Variants in DDX47 observed in about 807,000 individuals in gnomAD.
DDX47 encodes the protein probable ATP-dependent RNA helicase DDX47.
DDX47 carries 60 observed loss-of-function variants against 58.8 expected under a neutral mutation model. That is an observed-to-expected ratio of 1.02 (90% CI 0.83 to 1.26). The LOEUF (loss-of-function observed/expected upper bound fraction) is 1.26. Among genes scored for constraint, DDX47 ranks in the 50% most tolerant of loss-of-function variants. DDX47 has a pLI of 0.00. For missense variants in DDX47, 530 were observed against 573.2 expected, an observed-to-expected ratio of 0.92 and a Z score of 0.77; for synonymous variants, 197 against 204.6, an observed-to-expected ratio of 0.96 and a Z score of 0.32.
At chr12:12,813,714 A>G (rs1203004201) in intron 1 of DDX47, among the ~76,000 whole-genome samples, 4 of 152,138 alleles carry the variant, frequency 2.6e-5, no homozygotes, top group African/African-American at 9.7e-5. Context: ...AGGAGGTTGT[A>G]CATATGGGGA....
intron 11 of DDX47, among the ~76,000 whole-genome samples, chr12:12,828,680 AT>A (rs1863089879): frequency 6.6e-6 from 1 of 152,196 alleles, no homozygotes; most frequent in South Asian, 2.1e-4. Context: ...TTGTAAAAGT[AT>A]TACATGTGCA....
intron 11 of DDX47, among the ~76,000 whole-genome samples, chr12:12,828,105 G>T (rs1023008099): frequency 1.3e-5 from 2 of 151,786 alleles, no homozygotes; most frequent in African/African-American, 4.8e-5. Flanking sequence ...TAATCCCCCC[G>T]CCTCGGCCTC....
intron 7 of DDX47, chr12:12,823,639 A>G (rs1863006533): frequency 3.5e-6 from 2 of 566,700 alleles, no homozygotes; most frequent in Non-Finnish European, 6.2e-6. Context: ...GCTTTGATAT[A>G]AGGACTTCTC....
chr12:12,828,962 T>C (rs1863092806), intron 11 of DDX47, among the ~76,000 whole-genome samples: 1 of 152,240 alleles, frequency 6.6e-6, no homozygotes, highest in Non-Finnish European at 1.5e-5. Flanking sequence ...CTTTCTACTT[T>C]GGTACAGTGT....
chr12:12,827,867 T>C (rs1447296699), intron 11 of DDX47, among the ~76,000 whole-genome samples: 1 of 126,376 alleles, frequency 7.9e-6, no homozygotes, highest in Non-Finnish European at 1.7e-5. Flanking sequence ...TCCAAAACTT[T>C]TCTTTTTTCT....
rs1863027296 is a variant in DDX47 at position 12,824,884 on chromosome 12, A to T, written c.1035+207A>T. 8.4e-6 allele frequency: 4 copies of T among 474,218 alleles called. No individual in the cohort carries two copies. The Admixed American group carries it at 1.5e-4, about 18-fold the overall frequency. The allele number at this position is 474,218 out of a possible 1,614,324, so 29.4% of individuals were successfully genotyped here. ...ACATATGAAAGAGGTAGCCAAGGAG[A>T]GTTATTAGATGCTCATAGAAGGGGC... On this transcript the variant is annotated intron_variant, in intron 9 of 11. Transcript: ENST00000358007.
At chr12:12,822,840 T>C in intron 6 of DDX47, 108 bp downstream of exon 6, 1 of 906,652 alleles carries the variant, frequency 1.1e-6, no homozygotes, top group Non-Finnish European at 1.8e-6. Context: ...TTCACACTGC[T>C]ATAAAGAACT....
rs374450545 is a variant in DDX47, at chr12:12,813,467, G to C, written c.87+13G>C. 3.8e-6 allele frequency: 6 copies of C among 1,599,124 alleles called. No individual in the cohort carries two copies. The African/African-American group carries it at 6.7e-5, about 18-fold the overall frequency. On this transcript the variant is annotated intron_variant, in intron 1 of 11. Transcript: ENST00000358007. ...ATTTAAAGACCTGGTGAGAATGGAT[G>C]ACGCTGGCTTCTTTTATGTACTCTG...
In DDX47 at chr12:12,814,225, G is replaced by T; in HGVS notation, c.181+1G>T. The T allele has an allele frequency of 6.3e-7, 1 of 1,594,072 alleles. No individual in the cohort carries two copies. Among genetic ancestry groups the T allele is most frequent in the Non-Finnish European group, 8.6e-7 (1 of 1,161,828 alleles). On this transcript the variant is annotated splice_donor_variant, in intron 2 of 11. Coordinates refer to ENST00000358007, the MANE Select transcript of DDX47 (RefSeq NM_016355.4). LOFTEE classifies it high-confidence loss of function. Reference sequence around the variant, plus strand: ...GAAGCTATTCCTTTGGCCTTACAAGGTAGGTTGTATGACTTCGTACAGATT... The same window carrying T: ...GAAGCTATTCCTTTGGCCTTACAAGTTAGGTTGTATGACTTCGTACAGATT...
chr12:12,828,312 A>G (rs1426586563), intron 11 of DDX47, among the ~76,000 whole-genome samples: 1 of 152,214 alleles, frequency 6.6e-6, no homozygotes, highest in African/African-American at 2.4e-5. Flanking sequence ...ACAATTAAAA[A>G]TATTGTGTAA....
chr12:12,824,655 T>A lies in DDX47; in HGVS notation c.1013T>A (p.Phe338Tyr). ...DIPHVDVVVN[F>Y]DIPTHSKDYI... ...CCTCATGTAGATGTGGTTGTCAACT[T>A]TGACATTCCTACCCATTCCAAGGTG... is the stretch of plus-strand genomic sequence containing the variant. The change falls in exon 9 of 12, where the codon TTT (phenylalanine) becomes TAT (tyrosine). Residue 338 changes from phenylalanine to tyrosine, a missense_variant. Transcript: ENST00000358007. 6.2e-7 allele frequency: 1 copy of A among 1,614,216 alleles called. No individual in the cohort carries two copies. Among genetic ancestry groups the A allele is most frequent in the East Asian group, 2.2e-5 (1 of 44,890 alleles).
At chr12:12,825,579 G>A (rs1863040189) in intron 9 of DDX47, among the ~76,000 whole-genome samples, 1 of 152,074 alleles carries the variant, frequency 6.6e-6, no homozygotes, top group African/African-American at 2.4e-5. Context: ...TAACAACTCT[G>A]TAATATGGGC....
chr12:12,814,525 GAAGGA>G, intron 2 of DDX47: 1 of 302,320 alleles, frequency 3.3e-6, no homozygotes, highest in Non-Finnish European at 6.3e-6. Context: ...CACACTTAGG[GAAGGA>G]TGCCTGGAAC....
intron 2 of DDX47, among the ~76,000 whole-genome samples, chr12:12,816,026 A>G (rs1046166627): frequency 6.6e-6 from 1 of 152,118 alleles, no homozygotes; most frequent in African/African-American, 2.4e-5. Context: ...TGATTTTACA[A>G]CCAGTTAAGC....
intron 2 of DDX47, among the ~76,000 whole-genome samples, chr12:12,815,483 T>C (rs931147433): frequency 6.6e-6 from 1 of 152,168 alleles, no homozygotes; most frequent in Non-Finnish European, 1.5e-5. Context: ...CCTAAGAAAG[T>C]TACATTCAGA....
At chr12:12,829,383 TA>T (rs1356308513) in intron 11 of DDX47, 39 bp from the exon 12 acceptor site, 2 of 1,580,896 alleles carry the variant, frequency 1.3e-6, no homozygotes, top group Non-Finnish European at 1.7e-6. Flanking sequence ...TCAGTGCCAG[TA>T]ATTCATTTTC....
rs756335726 is a variant in DDX47 at position 12,826,090 on chromosome 12, G to T, written c.1106+20G>T. 4.3e-6 allele frequency: 7 copies of T among 1,609,204 alleles called. No individual in the cohort carries two copies. The South Asian group carries it at 6.6e-5, about 15-fold the overall frequency. ...CACACAGTAAGTAAATCAGCTTTAG[G>T]GCCGAGCAATGTAGAGAAAAGAGCA... is the stretch of plus-strand genomic sequence containing the variant. On this transcript the variant is annotated intron_variant, in intron 10 of 11. Transcript: ENST00000358007.
At chr12:12,817,136 G>A (rs1486502717) in intron 2 of DDX47, among the ~76,000 whole-genome samples, 9 of 152,036 alleles carry the variant, frequency 5.9e-5, no homozygotes, top group African/African-American at 9.7e-5. Flanking sequence ...GTTGTTATTC[G>A]GTGAAAATAA....
At chr12:12,827,094 T>C (rs1863062541) in intron 10 of DDX47, 152 bp from the exon 11 acceptor site, 1 of 982,582 alleles carries the variant, frequency 1.0e-6, no homozygotes, top group South Asian at 1.7e-5. Context: ...TGCACAGAGA[T>C]TGCACTTAAC....
Sources: allele counts gnomAD v4.1 joint callset (sites outside exome capture counted in the v4.1 genomes callset), GRCh38; gene constraint gnomAD v4.1.1; transcripts MANE v1.5; gene names NCBI Gene and HGNC (gene_info 2026-07-23, HGNC 2026-07-21).